The following ADAM7 variants were observed in gnomAD, a reference collection of about 807,000 sequenced individuals.
ADAM7 encodes the protein disintegrin and metalloproteinase domain-containing protein 7.
ADAM7 carries 97 observed loss-of-function variants against 102.9 expected under a neutral mutation model. The observed-to-expected ratio is 0.94, with a 90% CI of 0.80 to 1.12. ADAM7 has a LOEUF of 1.12. ADAM7 is among the 50% of genes most tolerant of loss of function. The probability of loss-of-function intolerance (pLI) is 0.00; values close to 1 mark genes in which losing one functional copy is unlikely to be tolerated. For missense variants in ADAM7, 991 were observed against 908.7 expected (o/e 1.09, Z -1.16); for synonymous variants, 334 against 304.4 (o/e 1.10, Z -1.01).
At position 24,508,853 on chromosome 8, in the gene ADAM7, G is replaced by A; in HGVS notation, c.*307G>A. 3 of 1,192,202 alleles carry A rather than the reference G, an allele frequency of 2.5e-6. No homozygotes were observed. The highest frequency in any genetic ancestry group is 3.1e-6 in the Non-Finnish European group (3 of 962,746). The allele number at this position is 1,192,202 out of a possible 1,614,324, so 73.9% of individuals were successfully genotyped here. A position where few individuals can be genotyped will look rare whatever the true frequency, so the allele number is the denominator to read the frequency against. ...GTATTTTCCTACAAAATGTTACTCT[G>A]CTTTCTTTTAAGAATCCAAACTTTA... is the stretch of plus-strand genomic sequence containing the variant. On this transcript the variant is annotated 3_prime_UTR_variant, in exon 22 of 22. Transcript: ENST00000175238.
intron 16 of ADAM7, among the ~76,000 whole-genome samples, chr8:24,494,884 C>A (rs548605399): frequency 6.6e-6 from 1 of 152,146 alleles, no homozygotes; most frequent in African/African-American, 2.4e-5. Context: ...TCCAACCAAA[C>A]AGCAGGGAAA....
chr8:24,483,091 A>G (rs1416542953), intron 9 of ADAM7, among the ~76,000 whole-genome samples: 1 of 152,192 alleles, frequency 6.6e-6, no homozygotes, highest in African/African-American at 2.4e-5. Context: ...ACAAACAACT[A>G]ATCTGATAAG....
At chr8:24,447,927 T>C (rs1818624475) in intron 3 of ADAM7, among the ~76,000 whole-genome samples, 1 of 134,698 alleles carries the variant, frequency 7.4e-6, no homozygotes, top group Non-Finnish European at 1.6e-5. Flanking sequence ...TAGCTAAAAG[T>C]AAATAACAAA....
At chr8:24,454,502 C>T (rs188385557) in intron 3 of ADAM7, among the ~76,000 whole-genome samples, 1 of 152,284 alleles carries the variant, frequency 6.6e-6, no homozygotes, top group East Asian at 1.9e-4. Flanking sequence ...TTAAGCCCGT[C>T]GGAAAAGTGC....
intron 10 of ADAM7, among the ~76,000 whole-genome samples, chr8:24,486,282 A>C (rs565608652): frequency 6.6e-6 from 1 of 152,224 alleles, no homozygotes; most frequent in Admixed American, 6.5e-5. Context: ...TTCTGTATTA[A>C]CATAGAAATT....
intron 16 of ADAM7, 103 bp downstream of exon 16, chr8:24,493,332 G>A: frequency 2.9e-6 from 3 of 1,024,266 alleles, no homozygotes; most frequent in South Asian, 5.1e-5. Flanking sequence ...ATATGGAAAA[G>A]GAAAAAATAT....
intron 15 of ADAM7, 69 bp downstream of exon 15, chr8:24,492,666 G>A: frequency 1.7e-6 from 2 of 1,146,484 alleles, no homozygotes; most frequent in Non-Finnish European, 2.6e-6. Flanking sequence ...AATGGCTCCT[G>A]TCCCCAGACC....
chr8:24,495,135 C>T (rs1820510766), intron 16 of ADAM7, among the ~76,000 whole-genome samples: 1 of 152,096 alleles, frequency 6.6e-6, no homozygotes, highest in Non-Finnish European at 1.5e-5. Flanking sequence ...TGATTCTCTT[C>T]CATAACAGGA....
At chr8:24,504,054 AAAATAAAAT>A (rs1033446387) in intron 20 of ADAM7, among the ~76,000 whole-genome samples, 20 of 148,894 alleles carry the variant, frequency 1.3e-4, no homozygotes, top group African/African-American at 1.8e-4. Flanking sequence ...AAAATAAAAT[AAAATAAAAT>A]AAATAAAATA....
intron 6 of ADAM7, among the ~76,000 whole-genome samples, chr8:24,468,474 C>T (rs1819500910): frequency 6.6e-6 from 1 of 151,480 alleles, no homozygotes; most frequent in South Asian, 2.1e-4. Flanking sequence ...AACAAACCCA[C>T]ATATCCTGCA....
intron 7 of ADAM7, chr8:24,476,121 T>G: frequency 2.5e-6 from 1 of 397,066 alleles, no homozygotes; most frequent in East Asian, 6.1e-5. Flanking sequence ...AAATGGACTC[T>G]AAAGAACACT....
rs528514384 is a variant in ADAM7 at position 24,490,643 on chromosome 8, C to A, written c.1267-156C>A. On this transcript the variant is annotated intron_variant, in intron 12 of 21. Coordinates refer to ENST00000175238, the MANE Select transcript of ADAM7 (RefSeq NM_003817.4). ...AGAAATAGTTAAAGTCCCAAATACCCGTTCTAAACAGTAATCTTTATGTAT... is the reference window on the plus strand; with the variant it reads ...AGAAATAGTTAAAGTCCCAAATACCAGTTCTAAACAGTAATCTTTATGTAT... 2.2e-4 allele frequency: 146 copies of A among 657,608 alleles called. 2 individuals carry two copies. The highest frequency in any genetic ancestry group is 2.2e-3 in the African/African-American group (120 of 54,846). The allele number at this position is 657,608 out of a possible 1,614,324, so 40.7% of individuals were successfully genotyped here. A position where few individuals can be genotyped will look rare whatever the true frequency, so the allele number is the denominator to read the frequency against.
chr8:24,441,221 T>C, intron 1 of ADAM7, 61 bp downstream of exon 1: 11 of 1,489,738 alleles, frequency 7.4e-6, no homozygotes, highest in Non-Finnish European at 1.0e-5. Flanking sequence ...GTCTCTTTAG[T>C]CACAAACTTT....
Position 24,508,544 on chromosome 8 carries a change from A to T in ADAM7, c.*-2A>T. 6.2e-7 allele frequency: 1 copy of T among 1,613,608 alleles called. No homozygotes were observed. The highest frequency in any genetic ancestry group is 1.1e-5 in the South Asian group (1 of 91,050). On this transcript the variant is annotated splice_acceptor_variant, in intron 21 of 21. Transcript: ENST00000175238. LOFTEE classifies it high-confidence loss of function. ...TATTTTTAACCATCTGTTTCTATTT[A>T]GAGCTTGAAGTTGGATATCCAAAAT...
At chr8:24,486,444 C>G (rs1054690265) in intron 10 of ADAM7, among the ~76,000 whole-genome samples, 1 of 152,016 alleles carries the variant, frequency 6.6e-6, no homozygotes, top group African/African-American at 2.4e-5. Context: ...AAACAAGAAC[C>G]TCATATTTTT....
chr8:24,476,165 T>A (rs2129386077), intron 7 of ADAM7, among the ~76,000 whole-genome samples: 2 of 152,298 alleles, frequency 1.3e-5, no homozygotes, highest in South Asian at 4.1e-4. Context: ...TGCAATGTAG[T>A]ACAATGTAAT....
intron 7 of ADAM7, among the ~76,000 whole-genome samples, chr8:24,475,368 G>A (rs184223223): frequency 6.6e-6 from 1 of 152,214 alleles, no homozygotes; most frequent in East Asian, 1.9e-4. Context: ...CAGCATTTAA[G>A]GGATAATGGG....
At chr8:24,480,649 C>T (rs568906794) in intron 8 of ADAM7, among the ~76,000 whole-genome samples, 78 of 152,152 alleles carry the variant, frequency 5.1e-4, no homozygotes, top group Non-Finnish European at 6.9e-4. Flanking sequence ...GTTTTGTAAA[C>T]GTAAAGCCCA....
chr8:24,445,332 G>T (rs1042857633), intron 2 of ADAM7, among the ~76,000 whole-genome samples: 2 of 152,120 alleles, frequency 1.3e-5, no homozygotes, highest in Non-Finnish European at 1.5e-5. Flanking sequence ...TGTTCAACTT[G>T]CAGTCAAAAC....
Sources: gnomAD v4.1 joint callset for allele counts (sites outside exome capture counted in the v4.1 genomes callset) on GRCh38, gnomAD v4.1.1 for gene constraint, MANE v1.5 for transcripts, NCBI Gene and HGNC (gene_info 2026-07-23, HGNC 2026-07-21) for gene names.